Variants in CYP27B1 observed in about 807,000 individuals in gnomAD.
CYP27B1 encodes 25-hydroxyvitamin D-1 alpha hydroxylase, mitochondrial.
CYP27B1 carries 46 observed loss-of-function variants against 54.8 expected under a neutral mutation model. The ratio of observed to expected loss-of-function variants is 0.84; its 90% CI spans 0.66 to 1.07. The LOEUF is 1.07. Among genes scored for constraint, CYP27B1 ranks in the 50% least tolerant of loss-of-function variants. The pLI, the probability that CYP27B1 is intolerant of heterozygous loss-of-function variation, is 0.00. For missense variants in CYP27B1, 674 were observed against 692.2 expected, an observed-to-expected ratio of 0.97 and a Z score of 0.30; for synonymous variants, 292 against 297.3, an observed-to-expected ratio of 0.98 and a Z score of 0.18.
At chr12:57,766,271 G>T (rs931382881) in intron 1 of CYP27B1, 74 bp from the exon 2 acceptor site, 11 of 1,445,536 alleles carry the variant, frequency 7.6e-6, no homozygotes, top group Non-Finnish European at 1.0e-5. Flanking sequence ...CCACGCCAAG[G>T]GCGTTGACTG....
chr12:57,766,731 A>T, intron 1 of CYP27B1, 116 bp downstream of exon 1: 1 of 1,152,502 alleles, frequency 8.7e-7, no homozygotes, highest in Non-Finnish European at 1.3e-6. Context: ...TCCTTATTTC[A>T]TGGGCATCCG....
At position 57,764,364 on chromosome 12, in the gene CYP27B1, T is replaced by C. The variant is rs1392132569; in HGVS notation, c.1136+14A>G. Reference sequence around the variant, plus strand: ...TTGGCATTTCCTCTTGTTCCTCCTCTCCTTCCCCCTCACCTTAGCACTTCC... The same window carrying C: ...TTGGCATTTCCTCTTGTTCCTCCTCCCCTTCCCCCTCACCTTAGCACTTCC... On this transcript the variant is annotated intron_variant, in intron 6 of 8. Transcript: ENST00000228606. The C allele has an allele frequency of 1.9e-6, 3 of 1,614,136 alleles. No homozygotes were observed. Among genetic ancestry groups the C allele is most frequent in the East Asian group, 4.5e-5 (2 of 44,880 alleles).
At position 57,764,438 on chromosome 12, in the gene CYP27B1, G is replaced by C; in HGVS notation, c.1076C>G (p.Pro359Arg). Residue 359 changes from proline to arginine, a missense_variant, in exon 6 of 9, where the codon CCC becomes CGC. Physicochemically the swap from Pro to Arg is moderately radical, Grantham distance 103 (BLOSUM62 -2). Transcript: ENST00000228606. ...CAGCTGGGACAGAACAGTGGCTGAG[G>C]GGTAGGCACTGGAGCCAGGGCTCAG... is the stretch of plus-strand genomic sequence containing the variant. ...AALSPGSSAYPSATVLSQLPL... is the reference protein window; with the variant it reads ...AALSPGSSAYRSATVLSQLPL... 10 of 1,614,232 alleles carry C rather than the reference G, an allele frequency of 6.2e-6. No individual in the cohort carries two copies. The highest frequency in any genetic ancestry group is 8.5e-6 in the Non-Finnish European group (10 of 1,180,044).
intron 1 of CYP27B1, 30 bp from the exon 2 acceptor site, chr12:57,766,227 A>G: frequency 6.6e-7 from 1 of 1,511,254 alleles, no homozygotes. Flanking sequence ...GGACACTTGG[A>G]TACCTGGGCG....
In CYP27B1 at chr12:57,763,108, G is replaced by T; in HGVS notation, c.*34C>A. ...AAAAAATCTTATCCCTATGATGAATGAAAGGGTGATGATGACAGTCTCTTT... is the reference window on the plus strand; with the variant it reads ...AAAAAATCTTATCCCTATGATGAATTAAAGGGTGATGATGACAGTCTCTTT... On this transcript the variant is annotated 3_prime_UTR_variant, in exon 9 of 9. Coordinates refer to ENST00000228606, the MANE Select transcript of CYP27B1 (RefSeq NM_000785.4). 1 of 1,453,192 alleles carries T rather than the reference G, an allele frequency of 6.9e-7. No homozygotes were observed. Among genetic ancestry groups the T allele is most frequent in the Non-Finnish European group, 9.7e-7 (1 of 1,034,656 alleles). The allele number at this position is 1,453,192 out of a possible 1,614,324, so 90.0% of individuals were successfully genotyped here. A position where few individuals can be genotyped will look rare whatever the true frequency, so the allele number is the denominator to read the frequency against.
Position 57,763,619 on chromosome 12 carries a change from A to T in CYP27B1, c.1405T>A (p.Leu469Met), listed in dbSNP as rs549873942. ...RLAELELQMALAQILTHFEVQ... is the reference protein window; with the variant it reads ...RLAELELQMAMAQILTHFEVQ... Reference sequence around the variant, plus strand: ...AAATCTAGAGCACTCACCTGGGCCAAAGCCATTTGCAATTCAAGCTCTGCC... The same window carrying T: ...AAATCTAGAGCACTCACCTGGGCCATAGCCATTTGCAATTCAAGCTCTGCC... Residue 469 changes from leucine to methionine, a missense_variant, in exon 8 of 9, where the codon TTG (leucine) becomes ATG (methionine). Leu to Met is a conservative substitution (Grantham distance 15, BLOSUM62 2). Transcript: ENST00000228606. 1 of 1,613,700 alleles carries T rather than the reference A, an allele frequency of 6.2e-7. No homozygotes were observed.
In CYP27B1 at chr12:57,764,460, T is replaced by C; in HGVS notation, c.1054A>G (p.Ser352Gly). The C allele has an allele frequency of 6.2e-7, 1 of 1,614,206 alleles. No homozygotes were observed. Among genetic ancestry groups the C allele is most frequent in the South Asian group, 1.1e-5 (1 of 91,090 alleles). Residue 352 changes from serine to glycine, a missense_variant, in exon 6 of 9, where the codon AGC (serine) becomes GGC (glycine). Physicochemically the swap from Ser to Gly is moderately conservative, Grantham distance 56. Coordinates refer to ENST00000228606, the MANE Select transcript of CYP27B1 (RefSeq NM_000785.4). ...ALHSEITAAL[S>G]PGSSAYPSAT... ...GAGGGGTAGGCACTGGAGCCAGGGCTCAGGGCAGCTGTGATCTCTGAGTGG... is the reference window on the plus strand; with the variant it reads ...GAGGGGTAGGCACTGGAGCCAGGGCCCAGGGCAGCTGTGATCTCTGAGTGG...
chr12:57,764,324 T>G, intron 6 of CYP27B1, 54 bp downstream of exon 6: 1 of 1,610,166 alleles, frequency 6.2e-7, no homozygotes, highest in Non-Finnish European at 8.5e-7. Context: ...CACTAGTTGC[T>G]TCCCCAGCCC....
chr12:57,763,931 C>A (rs1312209902), intron 7 of CYP27B1, 123 bp from the exon 8 acceptor site: 2 of 1,125,424 alleles, frequency 1.8e-6, no homozygotes, highest in Non-Finnish European at 2.7e-6. Context: ...TCTGGGGCTA[C>A]TTTTGGAAGG....
chr12:57,764,626 G>A (rs768815155), intron 5 of CYP27B1, 76 bp from the exon 6 acceptor site: 6 of 1,591,524 alleles, frequency 3.8e-6, no homozygotes, highest in South Asian at 1.1e-5. Flanking sequence ...GAAGAGTCTG[G>A]GGCTACAGGG....
In CYP27B1 at chr12:57,762,918, C is replaced by G. The variant is rs1342132843; in HGVS notation, c.*224G>C. On this transcript the variant is annotated 3_prime_UTR_variant, in exon 9 of 9. Coordinates refer to ENST00000228606, the MANE Select transcript of CYP27B1 (RefSeq NM_000785.4). ...GGGGATGCATACATGATCAGAAGGG[C>G]CAAGCAAGCAGAGAGACCATGGTTT... 1.8e-6 allele frequency: 1 copy of G among 542,844 alleles called. No homozygotes were observed. The highest frequency in any genetic ancestry group is 2.6e-5 in the Admixed American group (1 of 37,870). 33.6% of individuals were successfully genotyped at this position (542,844 alleles called of 1,614,324 possible). A position where few individuals can be genotyped will look rare whatever the true frequency, so the allele number is the denominator to read the frequency against.
Position 57,763,236 on chromosome 12 carries a change from A to T in CYP27B1, c.1433T>A (p.Val478Glu), listed in dbSNP as rs999998464. The change falls in exon 9 of 9, where the codon GTG (valine) becomes GAG (glutamate). Residue 478 changes from valine (V) to glutamate (E), a missense_variant. By Grantham distance (121) the Val-to-Glu change is moderately radical (BLOSUM62 -2). Coordinates refer to ENST00000228606, the MANE Select transcript of CYP27B1 (RefSeq NM_000785.4). ...ALAQILTHFE[V>E]QPEPGAAPVR... is the part of the protein sequence containing the mutation. ...TGGGGCCGCACCTGGCTCAGGCTGC[A>T]CCTCAAAATGTGTTAGGATCTGGAA... The T allele has an allele frequency of 6.2e-7, 1 of 1,614,036 alleles. No homozygotes were observed.
Position 57,764,568 on chromosome 12 carries a change from G to A in CYP27B1, c.964-18C>T. 4 of 1,613,710 alleles carry A rather than the reference G, an allele frequency of 2.5e-6. No individual in the cohort carries two copies. The highest frequency in any genetic ancestry group is 3.4e-6 in the Non-Finnish European group (4 of 1,179,940). ...TTGGACACCTGAAAAACATGTGAAA[G>A]CAAGAGAGGTGTTGGGTGTGAGAAC... On this transcript the variant is annotated intron_variant, in intron 5 of 8. Transcript: ENST00000228606.
intron 1 of CYP27B1, 85 bp from the exon 2 acceptor site, chr12:57,766,282 G>A (rs1048540613): frequency 1.4e-6 from 2 of 1,428,418 alleles, no homozygotes; most frequent in Non-Finnish European, 9.2e-7. Context: ...GCGTTGACTG[G>A]GCTTGGGAAT....
At position 57,764,794 on chromosome 12, in the gene CYP27B1, A is replaced by G. The variant is rs758271238; in HGVS notation, c.923T>C (p.Leu308Pro). Reference protein sequence around the residue: ...FREELPAQSILGNVTELLLAG... With the variant: ...FREELPAQSIPGNVTELLLAG... Reference sequence around the variant, plus strand: ...CAATAGCAACTCTGTCACATTTCCCAGGATGGACTGGGCAGGCAACTCTTC... The same window carrying G: ...CAATAGCAACTCTGTCACATTTCCCGGGATGGACTGGGCAGGCAACTCTTC... Residue 308 changes from leucine (L) to proline (P), a missense_variant, in exon 5 of 9, where the codon CTG (leucine) becomes CCG (proline). Physicochemically the swap from Leu to Pro is moderately conservative, Grantham distance 98. Transcript: ENST00000228606. 6.2e-7 allele frequency: 1 copy of G among 1,614,120 alleles called. No individual in the cohort carries two copies. The highest frequency in any genetic ancestry group is 1.1e-5 in the South Asian group (1 of 91,076).
chr12:57,766,204 G>A lies in CYP27B1; in HGVS notation c.196-7C>T. The A allele has an allele frequency of 6.5e-7, 1 of 1,532,002 alleles. No individual in the cohort carries two copies. The highest frequency in any genetic ancestry group is 2.5e-5 in the East Asian group (1 of 40,252). 94.9% of individuals were successfully genotyped at this position (1,532,002 alleles called of 1,614,324 possible). Reference sequence around the variant, plus strand: ...AGTGCGCGGCGCCCTGCACCTGGGGGAGCGGACACAGCGGACACTTGGATA... The same window carrying A: ...AGTGCGCGGCGCCCTGCACCTGGGGAAGCGGACACAGCGGACACTTGGATA... On this transcript the variant is annotated splice_region_variant and splice_polypyrimidine_tract_variant and intron_variant, in intron 1 of 8. Coordinates refer to ENST00000228606, the MANE Select transcript of CYP27B1 (RefSeq NM_000785.4).
Position 57,764,397 on chromosome 12 carries a change from C to T in CYP27B1, c.1117G>A (p.Val373Met), listed in dbSNP as rs1362432975. The T allele has an allele frequency of 1.9e-6, 3 of 1,614,206 alleles. No individual in the cohort carries two copies. The South Asian group carries it at 3.3e-5, about 18-fold the overall frequency. ...CCTCACCTTAGCACTTCCTTGACCA[C>T]CGCCTTCAGCAGGGGCAGCTGGGAC... Reference protein sequence around the residue: ...VLSQLPLLKAVVKEVLRLYPV... With the variant: ...VLSQLPLLKAMVKEVLRLYPV... Residue 373 changes from valine to methionine, a missense_variant, in exon 6 of 9, where the codon GTG becomes ATG. By Grantham distance (21) the Val-to-Met change is conservative (BLOSUM62 1). Transcript: ENST00000228606.
intron 6 of CYP27B1, 70 bp from the exon 7 acceptor site, chr12:57,764,246 C>T: frequency 2.6e-6 from 4 of 1,568,328 alleles, no homozygotes; most frequent in Admixed American, 1.7e-5. Flanking sequence ...CTCATTGTTT[C>T]CAACTTCCAA....
rs746253099 is a variant in CYP27B1 at position 57,764,945 on chromosome 12, C to T, written c.791-19G>A. The T allele has an allele frequency of 2.5e-6, 4 of 1,614,012 alleles. No individual in the cohort carries two copies. The highest frequency in any genetic ancestry group is 1.6e-4 in the Middle Eastern group (1 of 6,084). ...CTCTGAGCTGCGTGGGTAGAAGGCA[C>T]GTGAATACCTCGCTACCCCTGGACA... On this transcript the variant is annotated intron_variant, in intron 4 of 8. Coordinates refer to ENST00000228606, the MANE Select transcript of CYP27B1 (RefSeq NM_000785.4).
Sources: allele counts gnomAD v4.1 joint callset, GRCh38; gene constraint gnomAD v4.1.1; transcripts MANE v1.5; gene names NCBI Gene and HGNC (gene_info 2026-07-23, HGNC 2026-07-21).